CADM2: variants seen among roughly 807,000 people sequenced by gnomAD.
The protein encoded by CADM2 is cell adhesion molecule 2, also known as immunoglobulin superfamily member 4D.
CADM2 carries 12 observed loss-of-function variants against 49.8 expected under a neutral mutation model. That is an observed-to-expected ratio of 0.24 (90% CI 0.15 to 0.39). CADM2 has a LOEUF of 0.39. CADM2 is among the 10% of genes least tolerant of loss of function. The pLI, the probability that CADM2 is intolerant of heterozygous loss-of-function variation, is 1.00. For missense variants in CADM2, 378 were observed against 492.3 expected, an observed-to-expected ratio of 0.77 and a Z score of 2.20; for synonymous variants, 214 against 175.4, an observed-to-expected ratio of 1.22 and a Z score of -1.74.
chr3:85,536,682 T>C (rs2061429458), intron 1 of CADM2, among the ~76,000 whole-genome samples: 1 of 151,996 alleles, frequency 6.6e-6, no homozygotes, highest in Non-Finnish European at 1.5e-5. Flanking sequence ...AAACTAGGAG[T>C]GTGTAAGCAG....
chr3:85,350,342 A>G (rs568379320), intron 1 of CADM2, among the ~76,000 whole-genome samples: 2 of 152,294 alleles, frequency 1.3e-5, no homozygotes, highest in South Asian at 4.1e-4. Context: ...CTACTTTTAA[A>G]TTAACATTTT....
chr3:85,484,681 A>AC (rs1559863396), intron 1 of CADM2, among the ~76,000 whole-genome samples: 1 of 151,820 alleles, frequency 6.6e-6, no homozygotes, highest in Non-Finnish European at 1.5e-5. Flanking sequence ...ACCGTCACAG[A>AC]CCCCAACAGC....
intron 5 of CADM2, among the ~76,000 whole-genome samples, chr3:85,909,783 T>C (rs949923612): frequency 3.3e-5 from 5 of 152,202 alleles, no homozygotes; most frequent in African/African-American, 4.8e-5. Context: ...CTATACAATG[T>C]AAAGAAAATT....
At chr3:85,598,230 C>G (rs1379733908) in intron 1 of CADM2, among the ~76,000 whole-genome samples, 1 of 152,008 alleles carries the variant, frequency 6.6e-6, no homozygotes, top group Admixed American at 6.6e-5. Flanking sequence ...AGCATCTAAA[C>G]TTTACTTCAG....
rs2060837050 is a variant in CADM2, at chr3:85,514,042, A to G, written c.62-212480A>G. Among the ~76,000 whole-genome samples, 7 of 152,196 alleles carry G rather than the reference A, an allele frequency of 4.6e-5. 1 individual carries two copies. The South Asian group carries it at 1.4e-3, about 32-fold the overall frequency. On this transcript the variant is annotated intron_variant, in intron 1 of 9. Transcript: ENST00000383699. The stretch of plus-strand genomic sequence containing the variant: ...ACTTCTATAAGAATGGCAATGGACA[A>G]ACTCTTTGAATCACTTACTTCTTAC...
chr3:85,608,710 C>G (rs1365445260), intron 1 of CADM2, among the ~76,000 whole-genome samples: 56 of 152,126 alleles, frequency 3.7e-4, no homozygotes, highest in Admixed American at 3.7e-3. Flanking sequence ...GTAGAATACT[C>G]TCTAGGATAA....
At chr3:85,098,752 G>A (rs1029810835) in intron 1 of CADM2, among the ~76,000 whole-genome samples, 1 of 152,192 alleles carries the variant, frequency 6.6e-6, no homozygotes, top group Non-Finnish European at 1.5e-5. Context: ...GTGTCTGAAA[G>A]TTACCCTGTG....
At position 85,069,570 on chromosome 3, in the gene CADM2, A is replaced by G. The variant is rs192256657; in HGVS notation, c.61+109902A>G. On this transcript the variant is annotated intron_variant, in intron 1 of 9. Transcript: ENST00000383699. ...CTAGTAGTACCAAAATTTCCCTTTT[A>G]TAATAATTTTGAGGAAAGAGTGGGA... Among the ~76,000 whole-genome samples, 15 of 152,274 alleles carry G rather than the reference A, an allele frequency of 9.9e-5. No homozygotes were observed. The East Asian group carries it at 2.5e-3, about 25-fold the overall frequency.
chr3:85,456,317 A>T (rs897975390), intron 1 of CADM2, among the ~76,000 whole-genome samples: 3 of 152,174 alleles, frequency 2.0e-5, no homozygotes, highest in Non-Finnish European at 4.4e-5. Context: ...CTGACCCTGT[A>T]TCTACTTGAA....
chr3:85,601,991 G>C (rs1056546200), intron 1 of CADM2, among the ~76,000 whole-genome samples: 1 of 151,740 alleles, frequency 6.6e-6, no homozygotes, highest in Non-Finnish European at 1.5e-5. Context: ...AATTAAAACT[G>C]TCAGCAGGAA....
At chr3:85,869,373 ATTTTT>A (rs1049985510) in intron 3 of CADM2, among the ~76,000 whole-genome samples, 5 of 152,104 alleles carry the variant, frequency 3.3e-5, no homozygotes, top group Admixed American at 3.3e-4. Context: ...GCAGGAAGGT[ATTTTT>A]TCAGATACGA....
chr3:85,849,492 A>C (rs2075009240), intron 3 of CADM2, among the ~76,000 whole-genome samples: 1 of 152,194 alleles, frequency 6.6e-6, no homozygotes, highest in Admixed American at 6.5e-5. Flanking sequence ...TTTTCCCAAA[A>C]AATACTTCTA....
intron 1 of CADM2, among the ~76,000 whole-genome samples, chr3:85,401,400 G>A (rs936451553): frequency 3.9e-5 from 6 of 152,244 alleles, no homozygotes; most frequent in Middle Eastern, 3.4e-3. Context: ...CAGAAGGATG[G>A]CTTTCTCCTC....
At chr3:85,659,753 A>T (rs1250038264) in intron 1 of CADM2, among the ~76,000 whole-genome samples, 1 of 152,118 alleles carries the variant, frequency 6.6e-6, no homozygotes, top group Non-Finnish European at 1.5e-5. Context: ...TAAAATGCAG[A>T]TTATGGTTAA....
At chr3:85,639,036 G>A (rs565231810) in intron 1 of CADM2, among the ~76,000 whole-genome samples, 4 of 152,154 alleles carry the variant, frequency 2.6e-5, no homozygotes, top group Non-Finnish European at 4.4e-5. Context: ...GAGTAAATAC[G>A]AACCAAAAAT....
intron 1 of CADM2, among the ~76,000 whole-genome samples, chr3:85,468,017 A>G (rs1485010725): frequency 7.9e-5 from 12 of 151,364 alleles, no homozygotes; most frequent in South Asian, 2.1e-4. Flanking sequence ...AGCCGGGCGC[A>G]GTGGCGGGCG....
intron 8 of CADM2, among the ~76,000 whole-genome samples, chr3:86,062,164 T>G (rs1283177667): frequency 1.3e-5 from 2 of 152,052 alleles, no homozygotes; most frequent in Non-Finnish European, 2.9e-5. Flanking sequence ...TCTAAAAGAG[T>G]GCCCAGTTCT....
intron 1 of CADM2, among the ~76,000 whole-genome samples, chr3:85,310,102 A>T (rs2044307867): frequency 6.6e-6 from 1 of 152,234 alleles, no homozygotes; most frequent in Non-Finnish European, 1.5e-5. Flanking sequence ...AATAATAAAT[A>T]GAAGATGCCT....
At chr3:85,203,683 A>T (rs1276724740) in intron 1 of CADM2, among the ~76,000 whole-genome samples, 1 of 152,232 alleles carries the variant, frequency 6.6e-6, no homozygotes, top group Non-Finnish European at 1.5e-5. Flanking sequence ...AGTTTGTAAA[A>T]AGCCATGCAG....
Sources: allele counts gnomAD v4.1 joint callset (sites outside exome capture counted in the v4.1 genomes callset), GRCh38; gene constraint gnomAD v4.1.1; transcripts MANE v1.5; gene names NCBI Gene and HGNC (gene_info 2026-07-23, HGNC 2026-07-21).